BAHCC1: variants seen among roughly 807,000 people sequenced by gnomAD.
The protein encoded by BAHCC1 is BAH domain and coiled-coil containing 1, also known as BAH and coiled-coil domain-containing protein 1.
BAHCC1 carries 43 observed loss-of-function variants against 88.2 expected under a neutral mutation model. That is an observed-to-expected ratio of 0.49 (90% CI 0.38 to 0.63). The LOEUF is 0.63. Among genes scored for constraint, BAHCC1 ranks in the 20% least tolerant of loss-of-function variants. The pLI, the probability that BAHCC1 is intolerant of heterozygous loss-of-function variation, is 0.00. For synonymous variants in BAHCC1, 1,510 were observed against 745.5 expected, an observed-to-expected ratio of 2.03 and a Z score of -16.71; for missense variants, 3,023 against 1,654.8, an observed-to-expected ratio of 1.83 and a Z score of -14.34.
At chr17:81,457,350 C>T in intron 16 of BAHCC1, 60 bp from the exon 17 acceptor site, 1 of 717,268 alleles carries the variant, frequency 1.4e-6, no homozygotes, top group Non-Finnish European at 2.6e-6. Context: ...GTCACCTCCC[C>T]CACCTCTCAA....
intron 10 of BAHCC1, among the ~76,000 whole-genome samples, chr17:81,446,309 C>T (rs1174084142): frequency 6.6e-6 from 1 of 151,394 alleles, no homozygotes; most frequent in Admixed American, 6.6e-5. Context: ...GTTAATGGGA[C>T]ATGATGCCTC....
chr17:81,425,805 G>A (rs1245892690), intron 2 of BAHCC1, among the ~76,000 whole-genome samples: 1 of 144,152 alleles, frequency 6.9e-6, no homozygotes, highest in East Asian at 2.2e-4. Flanking sequence ...GTGATGGTGG[G>A]TCGTGGTGGT....
chr17:81,429,676 G>A (rs1457588370), intron 3 of BAHCC1, among the ~76,000 whole-genome samples: 4 of 152,210 alleles, frequency 2.6e-5, no homozygotes, highest in South Asian at 2.1e-4. Flanking sequence ...CTGCCTGGGC[G>A]GTTGGCCTTG....
intron 2 of BAHCC1, chr17:81,410,135 G>C: frequency 3.6e-6 from 1 of 277,506 alleles, no homozygotes; most frequent in Non-Finnish European, 7.7e-6. Context: ...TGCCCTCCCA[G>C]GAGCACTGTG....
At chr17:81,459,697 A>G in intron 23 of BAHCC1, 93 bp downstream of exon 23, 1 of 673,106 alleles carries the variant, frequency 1.5e-6, no homozygotes, top group African/African-American at 1.8e-5. Flanking sequence ...GAGGCTGGCG[A>G]GGGCAGAACC....
intron 3 of BAHCC1, among the ~76,000 whole-genome samples, chr17:81,429,857 G>T (rs911664898): frequency 0.014 from 2,062 of 152,278 alleles, 55 homozygotes; most frequent in African/African-American, 0.046. Context: ...ATGCCAAGCG[G>T]GGCCTCCTCT....
intron 2 of BAHCC1, among the ~76,000 whole-genome samples, chr17:81,413,975 C>T (rs538457865): frequency 1.8e-4 from 27 of 152,234 alleles, no homozygotes; most frequent in Non-Finnish European, 3.1e-4. Context: ...CTTGAGCTGA[C>T]GCTGGCAGCC....
chr17:81,450,444 C>T (rs1025563449), intron 11 of BAHCC1, among the ~76,000 whole-genome samples: 2 of 152,200 alleles, frequency 1.3e-5, no homozygotes, highest in Non-Finnish European at 2.9e-5. Flanking sequence ...TTCCCCAGGC[C>T]ACTGCCTGGG....
chr17:81,430,016 G>A (rs1189047389), intron 3 of BAHCC1, among the ~76,000 whole-genome samples: 3 of 152,200 alleles, frequency 2.0e-5, no homozygotes, highest in Admixed American at 6.5e-5. Context: ...AGCTCCTCCC[G>A]GCCCGCAGCT....
At chr17:81,451,461 T>TA (rs2064632893) in intron 11 of BAHCC1, among the ~76,000 whole-genome samples, 1 of 152,154 alleles carries the variant, frequency 6.6e-6, no homozygotes, top group Admixed American at 6.5e-5. Context: ...GGCCCTGCCT[T>TA]ACCACCAAGG....
At chr17:81,459,354 G>C (rs2030041493) in intron 22 of BAHCC1, 26 bp downstream of exon 22, 2 of 773,742 alleles carry the variant, frequency 2.6e-6, no homozygotes. Context: ...GCCCGCCCCG[G>C]GGAGGGGCCT....
rs577527128 is a variant in BAHCC1 at position 81,460,931 on chromosome 17, C to T, written c.6268C>T (p.Arg2090Cys). 2.6e-4 allele frequency: 200 copies of T among 769,740 alleles called. No individual in the cohort carries two copies. Among genetic ancestry groups the T allele is most frequent in the Non-Finnish European group, 3.6e-4 (151 of 417,878 alleles). The allele number at this position is 769,740 out of a possible 1,614,324, so 47.7% of individuals were successfully genotyped here. ...GGGGGCCTCCGACCACTTCCTGGGC[C>T]GCCGTGGCAGCCCCTTGCTGAGCTG... The part of the protein sequence containing the change: ...PTGASDHFLG[R>C]RGSPLLSWSA... The change falls in exon 26 of 28, where the codon CGC becomes TGC. Residue 2090 changes from arginine to cysteine, a missense_variant. Physicochemically the swap from Arg to Cys is radical, Grantham distance 180. Transcript: ENST00000675386.
intron 3 of BAHCC1, 128 bp from the exon 4 acceptor site, chr17:81,438,242 C>G: frequency 1.5e-6 from 1 of 662,528 alleles, no homozygotes; most frequent in Non-Finnish European, 2.8e-6. Context: ...CCCCCGGCGG[C>G]TGCGTGCTGG....
intron 2 of BAHCC1, among the ~76,000 whole-genome samples, chr17:81,413,575 C>T (rs2063983130): frequency 6.6e-6 from 1 of 152,266 alleles, no homozygotes; most frequent in Admixed American, 6.5e-5. Flanking sequence ...AGTATCGTCT[C>T]AGCACCTGTG....
At chr17:81,401,392 CT>C (rs1323671948) in intron 2 of BAHCC1, 1 of 152,686 alleles carries the variant, frequency 6.5e-6, no homozygotes, top group Non-Finnish European at 1.5e-5. Flanking sequence ...CTTTTTCTCC[CT>C]TTCTTTTTTC....
chr17:81,454,800 C>T (rs1402952308), intron 14 of BAHCC1, among the ~76,000 whole-genome samples: 1 of 152,114 alleles, frequency 6.6e-6, no homozygotes, highest in Non-Finnish European at 1.5e-5. Flanking sequence ...GGCTGCAGCC[C>T]CACTCAGGCC....
chr17:81,456,657 G>A (rs1207171071), intron 16 of BAHCC1, 72 bp downstream of exon 16: 11 of 649,956 alleles, frequency 1.7e-5, no homozygotes, highest in African/African-American at 1.1e-4. Flanking sequence ...AGGAGGGGGC[G>A]GCAGGTTCAT....
At position 81,456,461 on chromosome 17, in the gene BAHCC1, G is replaced by T; in HGVS notation, c.4734G>T (p.Lys1578Asn). Residue 1578 changes from lysine to asparagine, a missense_variant, in exon 16 of 28, where the codon AAG becomes AAT. Lys to Asn is a moderately conservative substitution (Grantham distance 94). Coordinates refer to ENST00000675386, the MANE Select transcript of BAHCC1 (RefSeq NM_001377448.1). ...CCCCCGGGGGGCGCATCCGGGAGAA[G>T]CTGTCCCGAGCCAAGAGTGCCAAGG... ...EATPGGRIRE[K>N]LSRAKSAKVS... 1 of 721,678 alleles carries T rather than the reference G, an allele frequency of 1.4e-6. No individual in the cohort carries two copies. The highest frequency in any genetic ancestry group is 1.7e-5 in the African/African-American group (1 of 57,508). The allele number at this position is 721,678 out of a possible 1,614,324, so 44.7% of individuals were successfully genotyped here.
chr17:81,427,544 G>T (rs950108743), intron 3 of BAHCC1, among the ~76,000 whole-genome samples: 1 of 152,198 alleles, frequency 6.6e-6, no homozygotes, highest in Admixed American at 6.5e-5. Context: ...TGGCCAGCAG[G>T]AGACTCCTGG....
Sources: allele counts gnomAD v4.1 joint callset (sites outside exome capture counted in the v4.1 genomes callset), GRCh38; gene constraint gnomAD v4.1.1; transcripts MANE v1.5; gene names NCBI Gene and HGNC (gene_info 2026-07-23, HGNC 2026-07-21).